Variants in MYLK observed in about 807,000 individuals in gnomAD.
The protein encoded by MYLK is myosin light chain kinase, also known as myosin light chain kinase, smooth muscle.
A neutral mutation model predicts 203.4 loss-of-function variants in MYLK; 106 were observed. The observed-to-expected ratio is 0.52, with a 90% CI of 0.45 to 0.61. MYLK has a LOEUF of 0.61. MYLK is among the 20% of genes least tolerant of loss of function. MYLK has a pLI of 0.00. For missense variants in MYLK, 2,072 were observed against 2,442.3 expected (o/e 0.85, Z 3.20); for synonymous variants, 867 against 959.5 (o/e 0.90, Z 1.78).
chr3:123,740,718 G>C (rs1186506975), intron 5 of MYLK, among the ~76,000 whole-genome samples: 1 of 152,184 alleles, frequency 6.6e-6, no homozygotes, highest in East Asian at 1.9e-4. Flanking sequence ...GCAAGGCGCT[G>C]CTATGCTAGA....
At chr3:123,727,379 G>T (rs1008123776) in intron 11 of MYLK, among the ~76,000 whole-genome samples, 3 of 152,176 alleles carry the variant, frequency 2.0e-5, no homozygotes, top group African/African-American at 7.2e-5. Flanking sequence ...ATCAAAAAAG[G>T]ATATAGGCTT....
chr3:123,817,939 C>T (rs1371632221), intron 3 of MYLK, among the ~76,000 whole-genome samples: 2 of 152,144 alleles, frequency 1.3e-5, no homozygotes, highest in African/African-American at 2.4e-5. Flanking sequence ...TCACTGTTAG[C>T]AGGGTCAGCT....
intron 2 of MYLK, among the ~76,000 whole-genome samples, chr3:123,875,354 A>AGCAG (rs1437345333): frequency 6.6e-6 from 1 of 152,212 alleles, no homozygotes; most frequent in Non-Finnish European, 1.5e-5. Flanking sequence ...GCTAAGTGAA[A>AGCAG]GCAGGCACAC....
chr3:123,870,688 T>A (rs1055083152), intron 2 of MYLK, among the ~76,000 whole-genome samples: 9 of 152,240 alleles, frequency 5.9e-5, no homozygotes, highest in African/African-American at 1.4e-4. Context: ...AAATCCAGCT[T>A]GTTGTCTATT....
chr3:123,719,764 C>T (rs9867085), intron 13 of MYLK, among the ~76,000 whole-genome samples: 5,054 of 152,320 alleles, frequency 0.033, 122 homozygotes, highest in Non-Finnish European at 0.052. Flanking sequence ...TGGACCTGGA[C>T]AGCTAAGGGA....
intron 4 of MYLK, among the ~76,000 whole-genome samples, chr3:123,781,140 G>A (rs1305038994): frequency 1.3e-5 from 2 of 152,250 alleles, no homozygotes; most frequent in Non-Finnish European, 2.9e-5. Flanking sequence ...CTGGTCTGGG[G>A]AACTAGCCCC....
rs973973698 is a variant in MYLK, at chr3:123,613,790, A to T, written c.*315T>A. Reference sequence around the variant, plus strand: ...ATGAGCGCATTCAAGTGGAGAATTTATGACTTTGCCCAGATAAATATTTGG... The same window carrying T: ...ATGAGCGCATTCAAGTGGAGAATTTTTGACTTTGCCCAGATAAATATTTGG... On this transcript the variant is annotated 3_prime_UTR_variant, in exon 34 of 34. Coordinates refer to ENST00000360304, the MANE Select transcript of MYLK (RefSeq NM_053025.4). The T allele has an allele frequency of 1.1e-5, 4 of 364,602 alleles. No homozygotes were observed. The highest frequency in any genetic ancestry group is 2.1e-5 in the Non-Finnish European group (4 of 193,646). 22.6% of individuals were successfully genotyped at this position (364,602 alleles called of 1,614,324 possible). A position where few individuals can be genotyped will look rare whatever the true frequency, so the allele number is the denominator to read the frequency against.
intron 31 of MYLK, chr3:123,621,608 T>C (rs1349156781): frequency 6.6e-6 from 1 of 152,234 alleles, no homozygotes; most frequent in Non-Finnish European, 1.5e-5. Flanking sequence ...TAAGGAAACA[T>C]ACAGAAAATT....
rs777180458 is a variant in MYLK, at chr3:123,612,992, AG to A, written c.*1112del. ...AGACGCAAGTCTGAGTGCATTTACC[AG>A]GTCTAAGAATATATTTAAAGGTTGG... On this transcript the variant is annotated 3_prime_UTR_variant, in exon 34 of 34. Transcript: ENST00000360304. The A allele has an allele frequency of 6.5e-6, 1 of 152,672 alleles. No homozygotes were observed. Among genetic ancestry groups the A allele is most frequent in the Non-Finnish European group, 1.5e-5 (1 of 68,046 alleles). The allele number at this position is 152,672 out of a possible 1,614,324, so 9.5% of individuals were successfully genotyped here.
In MYLK at chr3:123,815,656, C is replaced by T. The variant is rs548162418; in HGVS notation, c.-4+15892G>A. On this transcript the variant is annotated intron_variant, in intron 3 of 33. Transcript: ENST00000360304. ...AAGCCCTATCTATGACATGGGTCCA[C>T]AAGCACCCCATCCATCACATCGTGC... Among the ~76,000 whole-genome samples the T allele has an allele frequency of 3.9e-5, 6 of 152,268 alleles. No homozygotes were observed. In the East Asian group the frequency reaches 1.2e-3, roughly 29 times the overall value.
chr3:123,677,918 T>TATATATAC (rs1273803739), intron 20 of MYLK, among the ~76,000 whole-genome samples: 954 of 78,454 alleles, frequency 0.012, 25 homozygotes, highest in East Asian at 0.087. Flanking sequence ...TATATATATA[T>TATATATAC]ACACACACAC....
At chr3:123,649,556 A>G (rs2059139999) in intron 24 of MYLK, among the ~76,000 whole-genome samples, 1 of 152,188 alleles carries the variant, frequency 6.6e-6, no homozygotes, top group Non-Finnish European at 1.5e-5. Flanking sequence ...CCCTGGCTCA[A>G]AAGTCAGCAA....
chr3:123,660,382 T>G, intron 23 of MYLK, among the ~76,000 whole-genome samples: 1 of 152,162 alleles, frequency 6.6e-6, no homozygotes, highest in East Asian at 1.9e-4. Flanking sequence ...TTTGTTTTTC[T>G]CCTTTAAAGA....
At chr3:123,785,639 A>G (rs2064482463) in intron 4 of MYLK, among the ~76,000 whole-genome samples, 1 of 152,206 alleles carries the variant, frequency 6.6e-6, no homozygotes, top group Non-Finnish European at 1.5e-5. Flanking sequence ...TCTATCTTCT[A>G]GCTGTGGGTT....
At position 123,734,212 on chromosome 3, in the gene MYLK, T is replaced by A; in HGVS notation, c.784A>T (p.Arg262Ter). The A allele has an allele frequency of 9.0e-7, 1 of 1,115,174 alleles. No individual in the cohort carries two copies. The highest frequency in any genetic ancestry group is 1.4e-5 in the South Asian group (1 of 72,752). The allele number at this position is 1,115,174 out of a possible 1,614,324, so 69.1% of individuals were successfully genotyped here. A position where few individuals can be genotyped will look rare whatever the true frequency, so the allele number is the denominator to read the frequency against. Residue 262 changes from arginine to a stop codon, truncating the protein, a stop_gained, in exon 10 of 34, where the codon AGA becomes TGA. Coordinates refer to ENST00000360304, the MANE Select transcript of MYLK (RefSeq NM_053025.4). LOFTEE classifies it high-confidence loss of function. ...TCTGAATTGGTGGCTTTTGTTTCTCTCACAAATGACCTGTGTGGTGGTGAG... is the reference window on the plus strand; with the variant it reads ...TCTGAATTGGTGGCTTTTGTTTCTCACACAAATGACCTGTGTGGTGGTGAG... ...GLDSANRSFV[R>*]ETKATNSDVR...
chr3:123,638,994 G>A (rs55707261), intron 28 of MYLK: 1 of 985,428 alleles, frequency 1.0e-6, no homozygotes, highest in Non-Finnish European at 1.2e-6. Flanking sequence ...TCCAATTCCT[G>A]CCTCTCAGCC....
chr3:123,807,001 T>A (rs2065391728), intron 3 of MYLK, among the ~76,000 whole-genome samples: 1 of 152,060 alleles, frequency 6.6e-6, no homozygotes, highest in Non-Finnish European at 1.5e-5. Context: ...ACTTTATGGA[T>A]GGAACACCCG....
Position 123,629,636 on chromosome 3 carries a change from CA to C in MYLK, c.4962-11del. 1 of 1,613,458 alleles carries C rather than the reference CA, an allele frequency of 6.2e-7. No homozygotes were observed. The highest frequency in any genetic ancestry group is 8.5e-7 in the Non-Finnish European group (1 of 1,180,014). On this transcript the variant is annotated splice_polypyrimidine_tract_variant and intron_variant, in intron 29 of 33. Transcript: ENST00000360304. This position sits in a 1 kb window ranked among gnomAD's most constrained non-coding sequence, Gnocchi z 4.4. ...GGAAAGGCCACTGACTCTGGAGAGA[CA>C]AGAGCAGGACAGCAGGTGTGGCTAG...
intron 31 of MYLK, chr3:123,624,712 G>A (rs1014485121): frequency 6.6e-6 from 1 of 152,202 alleles, no homozygotes; most frequent in Admixed American, 6.5e-5. Flanking sequence ...GCACCAAAAG[G>A]TAAGCAGCTA....
Sources: gnomAD v4.1 joint callset for allele counts (sites outside exome capture counted in the v4.1 genomes callset) on GRCh38, gnomAD v4.1.1 for gene constraint, Gnocchi (gnomAD v3.1) non-coding constraint, MANE v1.5 for transcripts, NCBI Gene and HGNC (gene_info 2026-07-23, HGNC 2026-07-21) for gene names.